The following NCKAP5 variants were observed in gnomAD, a reference collection of about 807,000 sequenced individuals.
NCKAP5 encodes the protein NCK associated protein 5.
In NCKAP5, 92 loss-of-function variants were observed where a neutral mutation model predicts 167.0. The ratio of observed to expected loss-of-function variants is 0.55; its 90% CI spans 0.47 to 0.66. The LOEUF is 0.66. NCKAP5 is among the 30% of genes least tolerant of loss of function. The pLI is 0.00. For synonymous variants in NCKAP5, 891 were observed against 877.4 expected, an observed-to-expected ratio of 1.02 and a Z score of -0.27; for missense variants, 2,378 against 2,315.0, an observed-to-expected ratio of 1.03 and a Z score of -0.56.
At chr2:133,299,469 G>A (rs765369959) in intron 4 of NCKAP5, among the ~76,000 whole-genome samples, 6 of 152,020 alleles carry the variant, frequency 3.9e-5, no homozygotes, top group Non-Finnish European at 5.9e-5. Flanking sequence ...TAAAGGGGCC[G>A]GGCCCGGGGG....
intron 19 of NCKAP5, among the ~76,000 whole-genome samples, chr2:132,717,226 T>TG (rs1689457333): frequency 2.0e-5 from 3 of 152,206 alleles, no homozygotes; most frequent in African/African-American, 7.2e-5. Flanking sequence ...CGAGCTGGGA[T>TG]GGGCCTGTTA....
chr2:133,116,467 G>A (rs1293441812), intron 6 of NCKAP5, among the ~76,000 whole-genome samples: 1 of 63,266 alleles, frequency 1.6e-5, no homozygotes, highest in African/African-American at 9.7e-5. Flanking sequence ...CAGCCTGGGC[G>A]ACAGAGCGAG....
At chr2:132,879,336 A>G (rs1358487080) in intron 8 of NCKAP5, among the ~76,000 whole-genome samples, 1 of 152,260 alleles carries the variant, frequency 6.6e-6, no homozygotes, top group Non-Finnish European at 1.5e-5. Context: ...AAAGTCATGA[A>G]AGCATAATTC....
chr2:133,192,373 C>A (rs2085263973), intron 5 of NCKAP5, among the ~76,000 whole-genome samples: 1 of 152,010 alleles, frequency 6.6e-6, no homozygotes, highest in South Asian at 2.1e-4. Context: ...AGACTTGCTA[C>A]CAGTAGCACA....
At chr2:133,567,303 G>A (rs890279659) in intron 1 of NCKAP5, among the ~76,000 whole-genome samples, 1 of 152,178 alleles carries the variant, frequency 6.6e-6, no homozygotes, top group African/African-American at 2.4e-5. Flanking sequence ...AGAACTCCCG[G>A]GTGGCAACAG....
chr2:133,074,953 CA>C (rs942071544), intron 6 of NCKAP5, among the ~76,000 whole-genome samples: 18 of 151,966 alleles, frequency 1.2e-4, no homozygotes, highest in Non-Finnish European at 5.9e-5. Context: ...GAATACCTTC[CA>C]AATTTAACAA....
chr2:133,342,911 A>C (rs1251555357), intron 3 of NCKAP5, among the ~76,000 whole-genome samples: 2 of 152,144 alleles, frequency 1.3e-5, no homozygotes, highest in Admixed American at 6.5e-5. Flanking sequence ...ACATCTCTCC[A>C]TGTCACAGCA....
chr2:132,781,807 G>C (rs1465721101), intron 14 of NCKAP5, 133 bp downstream of exon 14: 1 of 749,032 alleles, frequency 1.3e-6, no homozygotes, highest in East Asian at 2.6e-5. Context: ...ATGTATAAAA[G>C]ACTGCTACTA....
intron 5 of NCKAP5, among the ~76,000 whole-genome samples, chr2:133,188,556 T>A (rs2085059292): frequency 6.6e-6 from 1 of 151,992 alleles, no homozygotes; most frequent in Non-Finnish European, 1.5e-5. Flanking sequence ...TCAACAAATG[T>A]AACAGAAAAG....
At chr2:133,064,387 G>C (rs1223422460) in intron 6 of NCKAP5, among the ~76,000 whole-genome samples, 1 of 151,918 alleles carries the variant, frequency 6.6e-6, no homozygotes, top group African/African-American at 2.4e-5. Flanking sequence ...TTCCTAAAAG[G>C]GTCTGCTAAC....
At chr2:133,483,506 C>T (rs1278833140) in intron 3 of NCKAP5, among the ~76,000 whole-genome samples, 2 of 151,898 alleles carry the variant, frequency 1.3e-5, no homozygotes, top group African/African-American at 4.8e-5. Context: ...CCCCACCCTC[C>T]TTGGGTGTGT....
chr2:133,531,689 G>T lies in NCKAP5; in HGVS notation c.-61-14102C>A, dbSNP rs532669162. ...TAGTAATGTTTTTATCCATAAGAAT[G>T]GGATTGATTTCTTTGTAGCTACCAA... On this transcript the variant is annotated intron_variant, in intron 2 of 19. Coordinates refer to ENST00000409261, the MANE Select transcript of NCKAP5 (RefSeq NM_207363.3). Among the ~76,000 whole-genome samples, 5 of 152,158 alleles carry T rather than the reference G, an allele frequency of 3.3e-5. No homozygotes were observed. The South Asian group carries it at 8.3e-4, about 25-fold the overall frequency.
At chr2:133,634,031 C>A in the NCKAP5 span, among the ~76,000 whole-genome samples, 2 of 152,194 alleles carry the variant, frequency 1.3e-5, no homozygotes, top group Non-Finnish European at 2.9e-5. Context: ...GAGATTGTTA[C>A]CAGCCACTTC....
At chr2:133,303,259 A>G (rs2150572168) in intron 3 of NCKAP5, 149 bp from the exon 4 acceptor site, 2 of 614,746 alleles carry the variant, frequency 3.3e-6, no homozygotes, top group East Asian at 5.5e-5. Flanking sequence ...ATGACTTGCA[A>G]TCATATGTAA....
intron 3 of NCKAP5, among the ~76,000 whole-genome samples, chr2:133,321,018 C>A (rs1682010741): frequency 6.6e-6 from 1 of 152,126 alleles, no homozygotes; most frequent in African/African-American, 2.4e-5. Context: ...GCAGACTAGC[C>A]CTAACCCCAG....
chr2:132,749,434 G>A (rs1234615139), intron 16 of NCKAP5, among the ~76,000 whole-genome samples: 1 of 152,064 alleles, frequency 6.6e-6, no homozygotes, highest in African/African-American at 2.4e-5. Context: ...GAACTCCTGG[G>A]CTCAAGCCAT....
chr2:133,366,730 T>C (rs998850831), intron 3 of NCKAP5, among the ~76,000 whole-genome samples: 3 of 152,202 alleles, frequency 2.0e-5, no homozygotes, highest in African/African-American at 7.2e-5. Context: ...ATTTGTTAAA[T>C]AGTTATTTTT....
chr2:133,275,854 A>C (rs2089704274), intron 4 of NCKAP5, among the ~76,000 whole-genome samples: 1 of 151,998 alleles, frequency 6.6e-6, no homozygotes, highest in Admixed American at 6.6e-5. Flanking sequence ...CATGAAAAAA[A>C]TGAGGGAGGT....
intron 19 of NCKAP5, among the ~76,000 whole-genome samples, chr2:132,683,562 T>C (rs539182628): frequency 1.3e-5 from 2 of 152,262 alleles, no homozygotes; most frequent in African/African-American, 4.8e-5. Flanking sequence ...CCAGGTGCAA[T>C]AGCCAATACA....
Sources: gnomAD v4.1 joint callset for allele counts (sites outside exome capture counted in the v4.1 genomes callset) on GRCh38, gnomAD v4.1.1 for gene constraint, MANE v1.5 for transcripts, NCBI Gene and HGNC (gene_info 2026-07-23, HGNC 2026-07-21) for gene names.